The following MALRD1 variants were observed in gnomAD, a reference collection of about 807,000 sequenced individuals.
The protein encoded by MALRD1 is MAM and LDL-receptor class A domain-containing protein 1.
A neutral mutation model predicts 242.1 loss-of-function variants in MALRD1; 247 were observed. The observed-to-expected ratio is 1.02, with a 90% CI of 0.92 to 1.13. The LOEUF is 1.13. Ranked by LOEUF, MALRD1 falls within the 50% of genes most tolerant of loss-of-function variation. The probability of loss-of-function intolerance (pLI) is 0.00; values close to 1 mark genes in which losing one functional copy is unlikely to be tolerated. For missense variants in MALRD1, 2,989 were observed against 2,533.1 expected (o/e 1.18, Z -3.86); for synonymous variants, 995 against 866.6 (o/e 1.15, Z -2.60).
At chr10:19,560,163 AT>A in intron 32 of MALRD1, among the ~76,000 whole-genome samples, 1 of 152,220 alleles carries the variant, frequency 6.6e-6, no homozygotes, top group East Asian at 1.9e-4. Flanking sequence ...ATTATAAATC[AT>A]TCTACTTTAA....
intron 33 of MALRD1, among the ~76,000 whole-genome samples, chr10:19,587,358 A>G (rs1478349621): frequency 6.6e-6 from 1 of 152,226 alleles, no homozygotes; most frequent in Non-Finnish European, 1.5e-5. Flanking sequence ...TACTGTCTAT[A>G]TCACTGCGTA....
At chr10:19,145,266 A>T (rs1833689549) in intron 10 of MALRD1, among the ~76,000 whole-genome samples, 1 of 152,154 alleles carries the variant, frequency 6.6e-6, no homozygotes. Flanking sequence ...TATGCTCCAA[A>T]CCCCGACTTT....
At chr10:19,368,310 G>A (rs1301457148) in intron 26 of MALRD1, among the ~76,000 whole-genome samples, 1 of 151,950 alleles carries the variant, frequency 6.6e-6, no homozygotes. Flanking sequence ...AGAGGCGGGG[G>A]CCTAGTTTCC....
intron 36 of MALRD1, among the ~76,000 whole-genome samples, chr10:19,630,651 C>A (rs1462298030): frequency 1.3e-5 from 2 of 151,944 alleles, no homozygotes; most frequent in Non-Finnish European, 2.9e-5. Context: ...TTCTCCATAG[C>A]AATGTAAGTT....
chr10:19,229,237 G>A (rs1282171699), intron 18 of MALRD1, among the ~76,000 whole-genome samples: 1 of 152,054 alleles, frequency 6.6e-6, no homozygotes, highest in East Asian at 1.9e-4. Context: ...TAAAAAATAA[G>A]TAAACTAGTA....
Position 19,567,662 on chromosome 10 carries a change from C to T in MALRD1, c.5639C>T (p.Ala1880Val). 6.4e-7 allele frequency: 1 copy of T among 1,550,562 alleles called. No individual in the cohort carries two copies. The highest frequency in any genetic ancestry group is 1.2e-5 in the South Asian group (1 of 84,054). ...DLDGNEDIFI[A>V]LDDISFTPEC... ...GATGGAAATGAGGACATCTTTATTG[C>T]TCTTGATGACATCTCTTTTACCCCA... The change falls in exon 33 of 40, where the codon GCT (alanine) becomes GTT (valine). Residue 1880 changes from alanine to valine, a missense_variant. By Grantham distance (64) the Ala-to-Val change is moderately conservative. Coordinates refer to ENST00000454679, the MANE Select transcript of MALRD1 (RefSeq NM_001142308.3).
At chr10:19,530,406 T>TAAACATATAA (rs375588999) in intron 31 of MALRD1, among the ~76,000 whole-genome samples, 4 of 39,816 alleles carry the variant, frequency 1.0e-4, no homozygotes, top group Non-Finnish European at 1.4e-4. Flanking sequence ...AAATATTATA[T>TAAACATATAA]ATTTATATAA....
intron 38 of MALRD1, among the ~76,000 whole-genome samples, chr10:19,696,283 T>C (rs1309426958): frequency 2.0e-5 from 3 of 152,136 alleles, no homozygotes; most frequent in Non-Finnish European, 2.9e-5. Context: ...AAGTAACAAA[T>C]GTGACTGGCT....
intron 21 of MALRD1, among the ~76,000 whole-genome samples, chr10:19,288,048 A>G (rs573948654): frequency 6.6e-6 from 1 of 151,904 alleles, no homozygotes; most frequent in Non-Finnish European, 1.5e-5. Context: ...TCAAGTACCC[A>G]TCTTTCAAGG....
chr10:19,630,989 C>T (rs1038224026), intron 36 of MALRD1, among the ~76,000 whole-genome samples: 1 of 152,030 alleles, frequency 6.6e-6, no homozygotes, highest in African/African-American at 2.4e-5. Context: ...TCTTGACTGC[C>T]CTTTGAAAAA....
intron 18 of MALRD1, among the ~76,000 whole-genome samples, chr10:19,255,703 T>G (rs1839475192): frequency 1.2e-4 from 18 of 152,084 alleles, no homozygotes; most frequent in Admixed American, 1.2e-3. Flanking sequence ...GATATTTTGG[T>G]AAAAATTATG....
chr10:19,610,889 A>G (rs1838864563), intron 35 of MALRD1, among the ~76,000 whole-genome samples: 2 of 152,008 alleles, frequency 1.3e-5, no homozygotes, highest in South Asian at 2.1e-4. Flanking sequence ...TAACACATGT[A>G]AAACTCTTAG....
At chr10:19,499,639 T>C (rs1345019786) in intron 31 of MALRD1, among the ~76,000 whole-genome samples, 1 of 152,184 alleles carries the variant, frequency 6.6e-6, no homozygotes, top group Non-Finnish European at 1.5e-5. Flanking sequence ...ACACACATCC[T>C]GTTGATTCTG....
At chr10:19,297,273 ATAAT>A (rs1313928481) in intron 21 of MALRD1, among the ~76,000 whole-genome samples, 1 of 151,826 alleles carries the variant, frequency 6.6e-6, no homozygotes, top group East Asian at 1.9e-4. Context: ...TTTAATTGAA[ATAAT>A]TATTTACTTA....
chr10:19,359,706 C>T (rs1308201542), intron 26 of MALRD1, among the ~76,000 whole-genome samples: 1 of 150,252 alleles, frequency 6.7e-6, no homozygotes, highest in Non-Finnish European at 1.5e-5. Context: ...GGTAGGAGAA[C>T]ATAAAAAGAA....
intron 28 of MALRD1, among the ~76,000 whole-genome samples, chr10:19,394,718 G>A (rs1324955550): frequency 6.6e-6 from 1 of 152,132 alleles, no homozygotes; most frequent in Non-Finnish European, 1.5e-5. Flanking sequence ...TCCAAAATTT[G>A]AAATGTTCCA....
chr10:19,632,342 T>A (rs1442041662), intron 36 of MALRD1, among the ~76,000 whole-genome samples: 1 of 151,982 alleles, frequency 6.6e-6, no homozygotes, highest in Non-Finnish European at 1.5e-5. Context: ...CTATCTTCCG[T>A]AGGCCAAGAA....
chr10:19,526,643 G>A (rs185779497), intron 31 of MALRD1, among the ~76,000 whole-genome samples: 6 of 152,086 alleles, frequency 3.9e-5, no homozygotes, highest in Admixed American at 2.0e-4. Context: ...GTTAAGTGGC[G>A]ATATACTTTG....
At chr10:19,584,143 C>G (rs1837273987) in intron 33 of MALRD1, among the ~76,000 whole-genome samples, 1 of 150,964 alleles carries the variant, frequency 6.6e-6, no homozygotes, top group Non-Finnish European at 1.5e-5. Flanking sequence ...TGCTAGCGGT[C>G]TATCAATTTT....
Sources: allele counts gnomAD v4.1 joint callset (sites outside exome capture counted in the v4.1 genomes callset), GRCh38; gene constraint gnomAD v4.1.1; transcripts MANE v1.5; gene names NCBI Gene and HGNC (gene_info 2026-07-23, HGNC 2026-07-21).